The following TNS3 variants were observed in gnomAD, a reference collection of about 807,000 sequenced individuals.
The protein encoded by TNS3 is tensin-3.
A neutral mutation model predicts 140.9 loss-of-function variants in TNS3; 45 were observed. The observed-to-expected ratio is 0.32, with a 90% CI of 0.25 to 0.41. The LOEUF (loss-of-function observed/expected upper bound fraction) is 0.41. Among genes scored for constraint, TNS3 ranks in the 10% least tolerant of loss-of-function variants. TNS3 has a pLI of 1.00. For missense variants in TNS3, 1,716 were observed against 1,906.7 expected, an observed-to-expected ratio of 0.90 and a Z score of 1.86; for synonymous variants, 815 against 788.4, an observed-to-expected ratio of 1.03 and a Z score of -0.56.
At chr7:47,514,035 AG>A (rs1255725254) in intron 2 of TNS3, among the ~76,000 whole-genome samples, 9 of 152,376 alleles carry the variant, frequency 5.9e-5, no homozygotes, top group Admixed American at 5.2e-4. Flanking sequence ...ACTGTCTTAC[AG>A]GGTTGTCAGA....
chr7:47,301,486 C>G (rs969859870), intron 23 of TNS3, among the ~76,000 whole-genome samples: 1 of 152,120 alleles, frequency 6.6e-6, no homozygotes, highest in South Asian at 2.1e-4. Context: ...TCCTCATTGC[C>G]CAGGGGCTGT....
chr7:47,338,376 T>C (rs2150957429), intron 20 of TNS3, among the ~76,000 whole-genome samples: 1 of 152,376 alleles, frequency 6.6e-6, no homozygotes, highest in South Asian at 2.1e-4. Flanking sequence ...CACTATTTTT[T>C]ATTTTAGCCA....
chr7:47,357,822 G>T (rs185178206), intron 17 of TNS3, among the ~76,000 whole-genome samples: 4 of 152,304 alleles, frequency 2.6e-5, no homozygotes, highest in Admixed American at 2.6e-4. Context: ...AAACACTGAA[G>T]TCCATGGCTA....
intron 24 of TNS3, among the ~76,000 whole-genome samples, chr7:47,294,135 G>C (rs1785870211): frequency 6.6e-6 from 1 of 152,194 alleles, no homozygotes; most frequent in Non-Finnish European, 1.5e-5. Context: ...CCAACGAAGG[G>C]AATGAGCTTG....
chr7:47,308,135 C>T (rs2150747622), intron 20 of TNS3, among the ~76,000 whole-genome samples: 1 of 152,262 alleles, frequency 6.6e-6, no homozygotes, highest in South Asian at 2.1e-4. Context: ...TGGTGTGAGG[C>T]ATATATATCA....
chr7:47,366,775 G>A (rs889672601), intron 17 of TNS3, among the ~76,000 whole-genome samples: 12 of 106,174 alleles, frequency 1.1e-4, no homozygotes, highest in Non-Finnish European at 1.9e-4. Flanking sequence ...CCATCAACAC[G>A]ACTGTAAGGC....
intron 20 of TNS3, among the ~76,000 whole-genome samples, chr7:47,331,959 G>T (rs1344247163): frequency 6.6e-6 from 1 of 152,186 alleles, no homozygotes; most frequent in Non-Finnish European, 1.5e-5. Context: ...GCCCTCAAAG[G>T]CTCTGATGGG....
At chr7:47,575,724 G>A (rs1800658297) in intron 1 of TNS3, among the ~76,000 whole-genome samples, 1 of 149,988 alleles carries the variant, frequency 6.7e-6, no homozygotes, top group African/African-American at 2.5e-5. Context: ...TTGGGAGGCT[G>A]AGGCAGGAGA....
chr7:47,478,641 T>C (rs559742372), intron 4 of TNS3, among the ~76,000 whole-genome samples: 1 of 152,194 alleles, frequency 6.6e-6, no homozygotes, highest in South Asian at 2.1e-4. Context: ...CAAACCTTCA[T>C]ATAAACAATT....
chr7:47,301,191 T>C (rs1786379518), intron 23 of TNS3, among the ~76,000 whole-genome samples: 1 of 152,186 alleles, frequency 6.6e-6, no homozygotes, highest in African/African-American at 2.4e-5. Context: ...TTGTCATTTC[T>C]CACCGCTTTA....
chr7:47,445,124 C>T (rs1795663542), intron 4 of TNS3, among the ~76,000 whole-genome samples: 4 of 152,288 alleles, frequency 2.6e-5, no homozygotes, highest in Admixed American at 2.6e-4. Flanking sequence ...AGAAACCCAG[C>T]ACAGCTCAGG....
At chr7:47,295,529 G>A (rs748724507) in intron 24 of TNS3, among the ~76,000 whole-genome samples, 8 of 152,132 alleles carry the variant, frequency 5.3e-5, no homozygotes, top group Non-Finnish European at 7.3e-5. Flanking sequence ...AAATAGCATC[G>A]TGTTGGGCTT....
At chr7:47,287,531 T>C (rs1263207934) in intron 27 of TNS3, among the ~76,000 whole-genome samples, 3 of 152,202 alleles carry the variant, frequency 2.0e-5, no homozygotes, top group Non-Finnish European at 4.4e-5. Context: ...CTCACTAAAT[T>C]GCTGGAGGTC....
chr7:47,431,430 T>C (rs1749597559), intron 8 of TNS3, among the ~76,000 whole-genome samples: 1 of 151,800 alleles, frequency 6.6e-6, no homozygotes, highest in African/African-American at 2.4e-5. Context: ...CCATCTCTAT[T>C]AAAAATACAA....
At chr7:47,392,987 C>T (rs947499573) in intron 16 of TNS3, among the ~76,000 whole-genome samples, 3 of 152,278 alleles carry the variant, frequency 2.0e-5, no homozygotes, top group Admixed American at 6.5e-5. Flanking sequence ...TAAGATCAAA[C>T]GCACTTTGGA....
intron 4 of TNS3, among the ~76,000 whole-genome samples, chr7:47,473,119 G>C (rs1036562029): frequency 6.6e-6 from 1 of 152,182 alleles, no homozygotes; most frequent in East Asian, 1.9e-4. Context: ...CCCGAATGCT[G>C]TATGCACAGG....
intron 4 of TNS3, among the ~76,000 whole-genome samples, chr7:47,472,085 T>G (rs1796977555): frequency 6.6e-6 from 1 of 152,220 alleles, no homozygotes; most frequent in African/African-American, 2.4e-5. Context: ...TTCCTTGGCT[T>G]GCAGACACGT....
At chr7:47,312,269 T>C (rs1787147972) in intron 20 of TNS3, among the ~76,000 whole-genome samples, 1 of 152,240 alleles carries the variant, frequency 6.6e-6, no homozygotes, top group African/African-American at 2.4e-5. Context: ...CTGAATTTAT[T>C]ATTTCTTTCT....
At chr7:47,417,728 GC>G (rs1357658764) in intron 10 of TNS3, among the ~76,000 whole-genome samples, 40 of 151,792 alleles carry the variant, frequency 2.6e-4, no homozygotes, top group Non-Finnish European at 3.5e-4. Context: ...TCCTTCACAT[GC>G]TTTCTTAATA....
Sources: allele counts gnomAD v4.1 joint callset (sites outside exome capture counted in the v4.1 genomes callset), GRCh38; gene constraint gnomAD v4.1.1; transcripts MANE v1.5; gene names NCBI Gene and HGNC (gene_info 2026-07-23, HGNC 2026-07-21).